The following TULP3 variants were observed in gnomAD, a reference collection of about 807,000 sequenced individuals.
TULP3 encodes the protein tubby-related protein 3.
In TULP3, 38 loss-of-function variants were observed where a neutral mutation model predicts 50.7. That is an observed-to-expected ratio of 0.75 (90% CI 0.58 to 0.98). The LOEUF (loss-of-function observed/expected upper bound fraction) is 0.98, where lower values mean the gene tolerates loss of function less well. TULP3 is among the 50% of genes least tolerant of loss of function. The pLI, the probability that TULP3 is intolerant of heterozygous loss-of-function variation, is 0.00. For missense variants in TULP3, 550 were observed against 568.0 expected, an observed-to-expected ratio of 0.97 and a Z score of 0.32; for synonymous variants, 183 against 196.6, an observed-to-expected ratio of 0.93 and a Z score of 0.58.
intron 1 of TULP3, among the ~76,000 whole-genome samples, chr12:2,898,079 C>CAAAAAAA (rs59718569): frequency 2.1e-5 from 2 of 93,190 alleles, no homozygotes; most frequent in East Asian, 3.2e-4. Context: ...AACTAGATCT[C>CAAAAAAA]AAAAAAAAAA....
chr12:2,898,747 G>A lies in TULP3; in HGVS notation c.41+7759G>A, dbSNP rs2159420. Reference sequence around the variant, plus strand: ...CCAGGCTGAGTGCAGTGGTGCAGTCGTAGCCCACAACAGCCTTGAACTCCT... The same window carrying A: ...CCAGGCTGAGTGCAGTGGTGCAGTCATAGCCCACAACAGCCTTGAACTCCT... On this transcript the variant is annotated intron_variant, in intron 1 of 10. Coordinates refer to ENST00000448120, the MANE Select transcript of TULP3 (RefSeq NM_003324.5). Among the ~76,000 whole-genome samples the A allele has an allele frequency of 3.9e-5, 6 of 152,032 alleles. No individual in the cohort carries two copies. In the South Asian group the frequency reaches 8.3e-4, roughly 21 times the overall value.
At chr12:2,920,118 C>T (rs369497531) in intron 2 of TULP3, among the ~76,000 whole-genome samples, 79 of 151,512 alleles carry the variant, frequency 5.2e-4, no homozygotes, top group Middle Eastern at 6.9e-3. Context: ...GTTCCTCCAT[C>T]TGTCCTCCGT....
In TULP3 at chr12:2,909,573, A is replaced by AT; in HGVS notation, c.88dup (p.Tyr30LeufsTer7). On this transcript the variant is annotated frameshift_variant, in exon 2 of 11. Coordinates refer to ENST00000448120, the MANE Select transcript of TULP3 (RefSeq NM_003324.5). LOFTEE classifies it high-confidence loss of function. ...ATGAAGATGCGACAGGCTAAGCTGG[A>AT]TTATCAGGTGAGCAGAGTCTCCTCT... The AT allele has an allele frequency of 6.3e-7, 1 of 1,579,568 alleles. No homozygotes were observed. The highest frequency in any genetic ancestry group is 8.5e-7 in the Non-Finnish European group (1 of 1,170,466).
chr12:2,932,373 G>A (rs1415871211), intron 6 of TULP3, among the ~76,000 whole-genome samples: 2 of 152,044 alleles, frequency 1.3e-5, no homozygotes, highest in Admixed American at 1.3e-4. Flanking sequence ...GAGGACATGA[G>A]CTCGAGACCA....
In TULP3 at chr12:2,918,304, G is replaced by A. The variant is rs528779493; in HGVS notation, c.94-2459G>A. 3.2e-4 allele frequency among the ~76,000 whole-genome samples: 49 copies of A among 151,796 alleles called. No individual in the cohort carries two copies. The South Asian group carries it at 9.8e-3, about 30-fold the overall frequency. On this transcript the variant is annotated intron_variant, in intron 2 of 10. Transcript: ENST00000448120. ...AATTTTATTTTTTAATAGAGACGGG[G>A]TTTCACCATGTTGGCCCGGCTGGTC... is the stretch of plus-strand genomic sequence containing the variant.
At chr12:2,931,981 C>T (rs2098198344) in intron 6 of TULP3, among the ~76,000 whole-genome samples, 1 of 152,114 alleles carries the variant, frequency 6.6e-6, no homozygotes, top group South Asian at 2.1e-4. Flanking sequence ...TAAGTGGTGG[C>T]AGAGCCAAAT....
intron 2 of TULP3, among the ~76,000 whole-genome samples, chr12:2,918,861 T>C (rs2098190162): frequency 6.6e-6 from 1 of 150,416 alleles, no homozygotes; most frequent in Non-Finnish European, 1.5e-5. Flanking sequence ...TTTTATCCAT[T>C]ATACAAGACC....
chr12:2,895,308 G>A (rs1158020124), intron 1 of TULP3, among the ~76,000 whole-genome samples: 2 of 152,138 alleles, frequency 1.3e-5, no homozygotes, highest in African/African-American at 2.4e-5. Context: ...GGCCTCCTAG[G>A]AAATGGATGT....
chr12:2,892,645 G>C (rs2098172842), intron 1 of TULP3, among the ~76,000 whole-genome samples: 1 of 152,006 alleles, frequency 6.6e-6, no homozygotes, highest in African/African-American at 2.4e-5. Context: ...CTGAGTAGCT[G>C]GGACTATAGG....
chr12:2,895,792 T>C (rs2098175211), intron 1 of TULP3, among the ~76,000 whole-genome samples: 1 of 152,174 alleles, frequency 6.6e-6, no homozygotes, highest in Non-Finnish European at 1.5e-5. Context: ...CTTGATGGGA[T>C]ATCCTACTAC....
At position 2,940,712 on chromosome 12, in the gene TULP3, CA is replaced by C. The variant is rs776564541; in HGVS notation, c.*1269del. 4.5e-5 allele frequency: 69 copies of C among 1,550,550 alleles called. No homozygotes were observed. Among genetic ancestry groups the C allele is most frequent in the Non-Finnish European group, 5.5e-5 (63 of 1,146,444 alleles). ...TCCGCCTGTTGTTCCTGCACCACAT[CA>C]GATAAGCATGTGAAGGAGGGCCAAC... On this transcript the variant is annotated 3_prime_UTR_variant, in exon 11 of 11. Coordinates refer to ENST00000448120, the MANE Select transcript of TULP3 (RefSeq NM_003324.5).
chr12:2,940,263 C>T lies in TULP3; in HGVS notation c.*819C>T, dbSNP rs1321867842. On this transcript the variant is annotated 3_prime_UTR_variant, in exon 11 of 11. Coordinates refer to ENST00000448120, the MANE Select transcript of TULP3 (RefSeq NM_003324.5). Reference sequence around the variant, plus strand: ...AGCGACACACACACCTGTAGGCATCCTGTGCAAACACTTTGTCATTATCAA... The same window carrying T: ...AGCGACACACACACCTGTAGGCATCTTGTGCAAACACTTTGTCATTATCAA... 1.4e-6 allele frequency: 2 copies of T among 1,391,322 alleles called. No homozygotes were observed. Among genetic ancestry groups the T allele is most frequent in the Non-Finnish European group, 1.9e-6 (2 of 1,056,224 alleles). The allele number at this position is 1,391,322 out of a possible 1,614,324, so 86.2% of individuals were successfully genotyped here.
intron 1 of TULP3, among the ~76,000 whole-genome samples, chr12:2,895,002 C>T (rs1443217751): frequency 1.3e-5 from 2 of 152,210 alleles, no homozygotes; most frequent in East Asian, 1.9e-4. Flanking sequence ...AAAGTTAAAA[C>T]GAACTTAAGT....
chr12:2,910,030 C>A (rs564274154), intron 2 of TULP3, among the ~76,000 whole-genome samples: 3 of 152,194 alleles, frequency 2.0e-5, no homozygotes, highest in South Asian at 2.1e-4. Context: ...CAGTGGCTCA[C>A]GCCTGTCATC....
chr12:2,895,393 A>G (rs2098174969), intron 1 of TULP3, among the ~76,000 whole-genome samples: 1 of 152,232 alleles, frequency 6.6e-6, no homozygotes, highest in African/African-American at 2.4e-5. Flanking sequence ...AGCTTAGAAT[A>G]CTAACATTTC....
chr12:2,936,396 T>C (rs1333496366), intron 8 of TULP3, among the ~76,000 whole-genome samples: 1 of 152,028 alleles, frequency 6.6e-6, no homozygotes, highest in Non-Finnish European at 1.5e-5. Flanking sequence ...GAAATAAATA[T>C]GTGTTGGTGC....
At chr12:2,925,927 T>TTAAC (rs1403965885) in intron 4 of TULP3, among the ~76,000 whole-genome samples, 1 of 152,138 alleles carries the variant, frequency 6.6e-6, no homozygotes, top group Non-Finnish European at 1.5e-5. Flanking sequence ...GCCAGGTGAG[T>TTAAC]TAACGCCTTT....
intron 7 of TULP3, among the ~76,000 whole-genome samples, chr12:2,934,074 A>G (rs2153950397): frequency 6.6e-6 from 1 of 152,196 alleles, no homozygotes. Flanking sequence ...ACACTGAGAC[A>G]TTATCTCTTC....
Position 2,924,171 on chromosome 12 carries a change from G to A in TULP3, c.394+1769G>A, listed in dbSNP as rs367776169. The stretch of plus-strand genomic sequence containing the variant: ...AATCAAGGTGCTGAGAGAGCCTGAC[G>A]CCTCACTCCACTTGGACACTTTCCC... On this transcript the variant is annotated intron_variant, in intron 4 of 10. Transcript: ENST00000448120. Among the ~76,000 whole-genome samples, 5 of 152,212 alleles carry A rather than the reference G, an allele frequency of 3.3e-5. No individual in the cohort carries two copies. The South Asian group carries it at 6.2e-4, about 19-fold the overall frequency.
Sources: allele counts gnomAD v4.1 joint callset (sites outside exome capture counted in the v4.1 genomes callset), GRCh38; gene constraint gnomAD v4.1.1; transcripts MANE v1.5; gene names NCBI Gene and HGNC (gene_info 2026-07-23, HGNC 2026-07-21).